MGMT: variants seen among roughly 807,000 people sequenced by gnomAD.
The protein encoded by MGMT is methylated-DNA--protein-cysteine methyltransferase.
Under a neutral mutation model 15.9 loss-of-function variants are expected in MGMT, and 14 were observed. The observed-to-expected ratio is 0.88, with a 90% CI of 0.58 to 1.37. The LOEUF (loss-of-function observed/expected upper bound fraction) is 1.37. Ranked by LOEUF, MGMT falls within the 40% of genes most tolerant of loss-of-function variation. MGMT has a pLI of 0.00. For missense variants in MGMT, 282 were observed against 268.1 expected (o/e 1.05, Z -0.36); for synonymous variants, 130 against 118.2 (o/e 1.10, Z -0.65).
chr10:129,741,567 T>G (rs1848633417), intron 3 of MGMT, among the ~76,000 whole-genome samples: 1 of 152,148 alleles, frequency 6.6e-6, no homozygotes, highest in Non-Finnish European at 1.5e-5. Flanking sequence ...TACGAGAGTC[T>G]CTGAGGTGTA....
intron 2 of MGMT, among the ~76,000 whole-genome samples, chr10:129,676,533 GA>G (rs1340819813): frequency 1.1e-4 from 17 of 152,322 alleles, no homozygotes; most frequent in African/African-American, 3.8e-4. Context: ...TCAGCAAGAC[GA>G]CGTGTTTGCA....
intron 2 of MGMT, among the ~76,000 whole-genome samples, chr10:129,580,253 G>C (rs900401781): frequency 3.9e-5 from 6 of 152,158 alleles, no homozygotes; most frequent in African/African-American, 1.2e-4. Flanking sequence ...GGGGATGCGC[G>C]GGAGCCAGTG....
At chr10:129,544,146 C>A (rs886875581) in intron 2 of MGMT, among the ~76,000 whole-genome samples, 6 of 152,224 alleles carry the variant, frequency 3.9e-5, no homozygotes, top group African/African-American at 1.2e-4. Context: ...GATCATGCCC[C>A]TCTCTCCTTT....
chr10:129,682,660 G>A lies in MGMT; in HGVS notation c.126-25235G>A, dbSNP rs1847865806. ...GAATTTAAAATGTTTGTAAAAACTG[G>A]TGACATCAAATAAGATAGGTAGTTT... is the stretch of plus-strand genomic sequence containing the variant. On this transcript the variant is annotated intron_variant, in intron 2 of 4. Transcript: ENST00000651593. Among the ~76,000 whole-genome samples the A allele has an allele frequency of 2.6e-5, 4 of 152,216 alleles. No homozygotes were observed. In the South Asian group the frequency reaches 8.3e-4, roughly 32 times the overall value.
intron 3 of MGMT, among the ~76,000 whole-genome samples, chr10:129,750,292 T>C (rs540990210): frequency 1.3e-5 from 2 of 152,312 alleles, no homozygotes; most frequent in East Asian, 3.9e-4. Flanking sequence ...GAGAAAGGTA[T>C]AAAGTCTGTA....
At chr10:129,623,809 C>T (rs1025512834) in intron 2 of MGMT, among the ~76,000 whole-genome samples, 5 of 152,234 alleles carry the variant, frequency 3.3e-5, no homozygotes, top group African/African-American at 7.2e-5. Flanking sequence ...GCATAAGCCA[C>T]TGTGCCCAGC....
intron 1 of MGMT, among the ~76,000 whole-genome samples, chr10:129,527,004 C>T (rs1845877695): frequency 6.6e-6 from 1 of 152,192 alleles, no homozygotes; most frequent in Non-Finnish European, 1.5e-5. Context: ...CACCAAGTAC[C>T]ATCAGCCACT....
rs1848972761 is a variant in MGMT, at chr10:129,769,146, A to G, written c.*2149A>G. 1 of 152,296 alleles carries G rather than the reference A, an allele frequency of 6.6e-6. No homozygotes were observed. Among genetic ancestry groups the G allele is most frequent in the Non-Finnish European group, 1.5e-5 (1 of 68,100 alleles). 9.4% of individuals were successfully genotyped at this position (152,296 alleles called of 1,614,324 possible). ...GCTCGGACCATGCCCTTGGTGCAGT[A>G]CAAAACCATGTTCTGCTTCCTCTCC... is the stretch of plus-strand genomic sequence containing the variant. On this transcript the variant is annotated 3_prime_UTR_variant, in exon 5 of 5. Transcript: ENST00000651593.
At chr10:129,635,217 G>A (rs574999721) in intron 2 of MGMT, among the ~76,000 whole-genome samples, 7 of 152,256 alleles carry the variant, frequency 4.6e-5, no homozygotes, top group East Asian at 1.9e-4. Context: ...CTGACATGGC[G>A]GTGCCCATCA....
At chr10:129,560,586 G>A (rs1045978259) in intron 2 of MGMT, among the ~76,000 whole-genome samples, 10 of 152,130 alleles carry the variant, frequency 6.6e-5, no homozygotes, top group African/African-American at 2.2e-4. Flanking sequence ...TGTTGGTTAC[G>A]GTGGCAGAGT....
intron 2 of MGMT, among the ~76,000 whole-genome samples, chr10:129,600,204 C>T (rs183131255): frequency 2.0e-5 from 3 of 152,316 alleles, no homozygotes; most frequent in African/African-American, 7.2e-5. Context: ...TGCGTCCGCC[C>T]ATCCATGGCT....
chr10:129,606,664 G>A (rs1290606545), intron 2 of MGMT, among the ~76,000 whole-genome samples: 2 of 152,198 alleles, frequency 1.3e-5, no homozygotes, highest in Non-Finnish European at 2.9e-5. Flanking sequence ...TGGAGCCCCG[G>A]TAATTAAAGT....
chr10:129,634,502 A>T (rs1847244353), intron 2 of MGMT, among the ~76,000 whole-genome samples: 1 of 151,446 alleles, frequency 6.6e-6, no homozygotes, highest in South Asian at 2.1e-4. Context: ...CTCACTGATA[A>T]TCCTTCCTTC....
chr10:129,752,980 T>C (rs1274198516), intron 3 of MGMT, among the ~76,000 whole-genome samples: 3 of 152,306 alleles, frequency 2.0e-5, no homozygotes, highest in Admixed American at 1.3e-4. Flanking sequence ...CTAAAGAATT[T>C]CCTTTAGCCA....
intron 2 of MGMT, among the ~76,000 whole-genome samples, chr10:129,586,911 CTT>C (rs1846624751): frequency 6.6e-6 from 1 of 152,202 alleles, no homozygotes; most frequent in Non-Finnish European, 1.5e-5. Flanking sequence ...GCCTGGAAGA[CTT>C]AGCATTTCTT....
At chr10:129,743,142 A>G (rs1848657394) in intron 3 of MGMT, among the ~76,000 whole-genome samples, 1 of 152,128 alleles carries the variant, frequency 6.6e-6, no homozygotes, top group African/African-American at 2.4e-5. Context: ...TTACTGATCT[A>G]TCTGGAATAC....
intron 2 of MGMT, among the ~76,000 whole-genome samples, chr10:129,646,754 A>ATATATATATATATTTTTTT: frequency 1.2e-5 from 1 of 86,672 alleles, no homozygotes; most frequent in Non-Finnish European, 2.6e-5. Flanking sequence ...ATATATATAT[A>ATATATATATATATTTTTTT]TTTTCAGGGA....
In MGMT at chr10:129,767,471, T is replaced by A. The variant is rs1212829872; in HGVS notation, c.*474T>A. 2 of 153,704 alleles carry A rather than the reference T, an allele frequency of 1.3e-5. No individual in the cohort carries two copies. The highest frequency in any genetic ancestry group is 4.8e-5 in the African/African-American group (2 of 41,484). The allele number at this position is 153,704 out of a possible 1,614,324, so 9.5% of individuals were successfully genotyped here. Reference sequence around the variant, plus strand: ...CAGTTCCTAGCATCCCACACCCAGGTCTCACTGAAAGAAAGGGGAACAGGC... The same window carrying A: ...CAGTTCCTAGCATCCCACACCCAGGACTCACTGAAAGAAAGGGGAACAGGC... On this transcript the variant is annotated 3_prime_UTR_variant, in exon 5 of 5. Coordinates refer to ENST00000651593, the MANE Select transcript of MGMT (RefSeq NM_002412.5).
At chr10:129,477,157 C>T (rs548578939) in intron 1 of MGMT, among the ~76,000 whole-genome samples, 52 of 152,268 alleles carry the variant, frequency 3.4e-4, no homozygotes, top group Non-Finnish European at 5.9e-4. Context: ...TCTTCTGACC[C>T]GATCCCCACG....
Sources: gnomAD v4.1 joint callset for allele counts (sites outside exome capture counted in the v4.1 genomes callset) on GRCh38, gnomAD v4.1.1 for gene constraint, MANE v1.5 for transcripts, NCBI Gene and HGNC (gene_info 2026-07-23, HGNC 2026-07-21) for gene names.